GALNT13: variants seen among roughly 807,000 people sequenced by gnomAD.
GALNT13 encodes the protein UDP-GalNAc:polypeptide N-acetylgalactosaminyltransferase 13.
Under a neutral mutation model 64.2 loss-of-function variants are expected in GALNT13, and 28 were observed. The observed-to-expected ratio is 0.44, with a 90% CI of 0.32 to 0.60. The LOEUF is 0.60. Among genes scored for constraint, GALNT13 ranks in the 20% least tolerant of loss-of-function variants. The pLI, the probability that GALNT13 is intolerant of heterozygous loss-of-function variation, is 0.05. For missense variants in GALNT13, 577 were observed against 669.8 expected (o/e 0.86, Z 1.53); for synonymous variants, 214 against 224.6 (o/e 0.95, Z 0.42).
intron 4 of GALNT13, among the ~76,000 whole-genome samples, chr2:154,148,405 T>C (rs930270238): frequency 5.3e-5 from 8 of 152,206 alleles, no homozygotes; most frequent in African/African-American, 1.7e-4. Flanking sequence ...CGTGTCTTTA[T>C]AGCAGCATGA....
At chr2:153,544,554 T>A in the GALNT13 span, among the ~76,000 whole-genome samples, 3 of 152,234 alleles carry the variant, frequency 2.0e-5, no homozygotes, top group Middle Eastern at 3.2e-3. Flanking sequence ...ATCAATTTAA[T>A]TCTTAAAAGA....
At chr2:153,895,102 G>A (rs913632230) in intron 1 of GALNT13, among the ~76,000 whole-genome samples, 3 of 152,052 alleles carry the variant, frequency 2.0e-5, no homozygotes, top group Non-Finnish European at 4.4e-5. Flanking sequence ...AAGTGAATAT[G>A]GGAATTAAAA....
chr2:153,733,128 C>T, the GALNT13 span, among the ~76,000 whole-genome samples: 1 of 152,088 alleles, frequency 6.6e-6, no homozygotes, highest in African/African-American at 2.4e-5. Flanking sequence ...TACTACTTAC[C>T]TTCGTATTTC....
At chr2:154,383,863 A>C (rs1698388322) in intron 9 of GALNT13, among the ~76,000 whole-genome samples, 1 of 151,280 alleles carries the variant, frequency 6.6e-6, no homozygotes, top group Non-Finnish European at 1.5e-5. Flanking sequence ...CTAAGACATA[A>C]AAGCAAATAT....
chr2:154,332,098 G>T (rs377189077), intron 9 of GALNT13, among the ~76,000 whole-genome samples: 12 of 151,982 alleles, frequency 7.9e-5, no homozygotes, highest in East Asian at 5.8e-4. Flanking sequence ...TCTCATACAT[G>T]GATAGCAATC....
At chr2:153,683,130 G>A in the GALNT13 span, among the ~76,000 whole-genome samples, 1 of 151,704 alleles carries the variant, frequency 6.6e-6, no homozygotes, top group East Asian at 1.9e-4. Context: ...GTAGATATAT[G>A]GCACATAACT....
At chr2:153,190,991 C>G in the GALNT13 span, among the ~76,000 whole-genome samples, 2 of 151,284 alleles carry the variant, frequency 1.3e-5, no homozygotes, top group African/African-American at 2.4e-5. Flanking sequence ...TTTGGTTTTT[C>G]TAATTATAAG....
chr2:153,926,000 A>C (rs529952013), intron 2 of GALNT13, among the ~76,000 whole-genome samples: 1 of 152,182 alleles, frequency 6.6e-6, no homozygotes, highest in South Asian at 2.1e-4. Flanking sequence ...TTACCTGCAA[A>C]CAAAGATAGT....
At chr2:153,170,891 A>T in the GALNT13 span, among the ~76,000 whole-genome samples, 11 of 152,354 alleles carry the variant, frequency 7.2e-5, no homozygotes, top group East Asian at 2.1e-3. Flanking sequence ...TATAGCAGTT[A>T]TTTAGCTTTT....
chr2:153,732,204 G>T, the GALNT13 span, among the ~76,000 whole-genome samples: 1 of 151,888 alleles, frequency 6.6e-6, no homozygotes, highest in South Asian at 2.1e-4. Flanking sequence ...ATTAAGTGGG[G>T]TTCGAGGATA....
At chr2:153,441,507 G>A in the GALNT13 span, among the ~76,000 whole-genome samples, 1 of 152,212 alleles carries the variant, frequency 6.6e-6, no homozygotes, top group Non-Finnish European at 1.5e-5. Context: ...AGCTTGATGG[G>A]GATAGCATTG....
At chr2:154,350,530 G>C (rs62172294) in intron 9 of GALNT13, among the ~76,000 whole-genome samples, 2 of 152,308 alleles carry the variant, frequency 1.3e-5, no homozygotes, top group Middle Eastern at 3.4e-3. Flanking sequence ...CTACTTTTGA[G>C]GTTTGGGGAC....
chr2:153,267,626 A>G, the GALNT13 span, among the ~76,000 whole-genome samples: 223 of 152,326 alleles, frequency 1.5e-3, no homozygotes, highest in African/African-American at 5.1e-3. Flanking sequence ...GCCATGCTCC[A>G]GATACATTCA....
At chr2:153,660,489 T>C in the GALNT13 span, among the ~76,000 whole-genome samples, 1 of 151,594 alleles carries the variant, frequency 6.6e-6, no homozygotes, top group Non-Finnish European at 1.5e-5. Flanking sequence ...TTTGGCCTAA[T>C]CTTTTGGTTG....
At chr2:153,895,519 A>G (rs979793602) in intron 1 of GALNT13, among the ~76,000 whole-genome samples, 23 of 152,260 alleles carry the variant, frequency 1.5e-4, no homozygotes, top group African/African-American at 5.5e-4. Context: ...TAAACTCAAC[A>G]TGTAGAATAC....
chr2:153,281,645 A>G, the GALNT13 span, among the ~76,000 whole-genome samples: 22,706 of 152,082 alleles, frequency 0.15, 2,098 homozygotes, highest in Non-Finnish European at 0.21. Flanking sequence ...TCCTTCACTT[A>G]TGAAGCTTAA....
At chr2:153,594,905 T>C in the GALNT13 span, among the ~76,000 whole-genome samples, 1 of 152,074 alleles carries the variant, frequency 6.6e-6, no homozygotes, top group Non-Finnish European at 1.5e-5. Context: ...CCTTGGAAAA[T>C]AAAACTATTT....
chr2:153,822,068 T>C, the GALNT13 span, among the ~76,000 whole-genome samples: 1 of 151,946 alleles, frequency 6.6e-6, no homozygotes, highest in African/African-American at 2.4e-5. Flanking sequence ...AAGTATGAGC[T>C]CCAAAATAGA....
the GALNT13 span, among the ~76,000 whole-genome samples, chr2:153,813,790 A>T: frequency 6.6e-6 from 1 of 152,222 alleles, no homozygotes; most frequent in Non-Finnish European, 1.5e-5. Flanking sequence ...TCATGACTTT[A>T]ACAACTATAA....
Sources: allele counts gnomAD v4.1 joint callset (sites outside exome capture counted in the v4.1 genomes callset), GRCh38; gene constraint gnomAD v4.1.1; transcripts MANE v1.5; gene names NCBI Gene and HGNC (gene_info 2026-07-23, HGNC 2026-07-21).